The following SBDS variants were observed in gnomAD, a reference collection of about 807,000 sequenced individuals.
SBDS encodes ribosome maturation protein SBDS.
A neutral mutation model predicts 26.4 loss-of-function variants in SBDS; 20 were observed. That is an observed-to-expected ratio of 0.76 (90% CI 0.53 to 1.10). SBDS has a LOEUF of 1.10. Among genes scored for constraint, SBDS ranks in the 50% least tolerant of loss-of-function variants. The probability of loss-of-function intolerance (pLI) is 0.00; values close to 1 mark genes in which losing one functional copy is unlikely to be tolerated. For synonymous variants in SBDS, 95 were observed against 105.1 expected, an observed-to-expected ratio of 0.90 and a Z score of 0.59; for missense variants, 241 against 302.0, an observed-to-expected ratio of 0.80 and a Z score of 1.50.
chr7:66,993,648 C>T (rs1793022068), intron 2 of SBDS, among the ~76,000 whole-genome samples: 1 of 152,038 alleles, frequency 6.6e-6, no homozygotes. Context: ...CTAAGGCGGG[C>T]ATATCACCCA....
chr7:66,988,376 C>A lies in SBDS; in HGVS notation c.748G>T (p.Glu250Ter), dbSNP rs1476899918. Residue 250 changes from glutamate to a stop codon, truncating the protein, a stop_gained, in exon 5 of 5, where the codon GAA (glutamate) becomes TAA (stop). Coordinates refer to ENST00000246868, the MANE Select transcript of SBDS (RefSeq NM_016038.4). LOFTEE classifies it high-confidence loss of function. ...KDVEEGDEKF[E>*] ...GGTGAAGAGATTGATGGGTGTCATT[C>A]AAATTTCTCATCTCCTTCTTCTACA... 6.2e-7 allele frequency: 1 copy of A among 1,613,140 alleles called. No individual in the cohort carries two copies. The highest frequency in any genetic ancestry group is 8.5e-7 in the Non-Finnish European group (1 of 1,179,980).
chr7:66,995,551 G>A lies in SBDS; in HGVS notation c.-134C>T, dbSNP rs1242890449. On this transcript the variant is annotated 5_prime_UTR_variant, in exon 1 of 5. Coordinates refer to ENST00000246868, the MANE Select transcript of SBDS (RefSeq NM_016038.4). ...CCCAACCACCAGTGCGCGGCGCCGC[G>A]ACTCACTAGCTTCAGGCAGCCGTCA... The A allele has an allele frequency of 1.5e-6, 2 of 1,315,630 alleles. No homozygotes were observed. The highest frequency in any genetic ancestry group is 2.0e-5 in the Admixed American group (1 of 48,920). 81.5% of individuals were successfully genotyped at this position (1,315,630 alleles called of 1,614,324 possible). A position where few individuals can be genotyped will look rare whatever the true frequency, so the allele number is the denominator to read the frequency against.
At position 66,991,179 on chromosome 7, in the gene SBDS, G is replaced by C; in HGVS notation, c.582C>G (p.Ile194Met). ...CATAATCTTCACTTTCTATGACCTT[G>C]ATCAGTGGCTTGAGCTTTTCTTTCA... is the stretch of plus-strand genomic sequence containing the variant. ...KKLKEKLKPL[I>M]KVIESEDYGQ... The change falls in exon 4 of 5, where the codon ATC (isoleucine) becomes ATG (methionine). Residue 194 changes from isoleucine to methionine, a missense_variant. Physicochemically the swap from Ile to Met is conservative, Grantham distance 10 (BLOSUM62 1). Transcript: ENST00000246868. 3 of 1,614,058 alleles carry C rather than the reference G, an allele frequency of 1.9e-6. No homozygotes were observed. Among genetic ancestry groups the C allele is most frequent in the Non-Finnish European group, 2.5e-6 (3 of 1,179,984 alleles).
intron 4 of SBDS, 22 bp from the exon 5 acceptor site, chr7:66,988,521 A>T (rs375536732): frequency 5.0e-6 from 8 of 1,612,108 alleles, no homozygotes; most frequent in Non-Finnish European, 5.9e-6. Context: ...AACGTAGCAG[A>T]TTACCACATG....
In SBDS at chr7:66,995,578, A is replaced by G; in HGVS notation, c.-161T>C. On this transcript the variant is annotated 5_prime_UTR_variant, in exon 1 of 5. Transcript: ENST00000246868. ...CTCACTAGCTTCAGGCAGCCGTCACAGTGTGTCTGGCAGGCTTACTTACTG... is the reference window on the plus strand; with the variant it reads ...CTCACTAGCTTCAGGCAGCCGTCACGGTGTGTCTGGCAGGCTTACTTACTG... 1.9e-6 allele frequency: 2 copies of G among 1,040,060 alleles called. No homozygotes were observed. Among genetic ancestry groups the G allele is most frequent in the East Asian group, 2.6e-5 (1 of 38,626 alleles). 64.4% of individuals were successfully genotyped at this position (1,040,060 alleles called of 1,614,324 possible).
At position 66,988,449 on chromosome 7, in the gene SBDS, T is replaced by A. The variant is rs767419834; in HGVS notation, c.675A>T (p.Lys225Asn). 6.2e-7 allele frequency: 1 copy of A among 1,613,990 alleles called. No homozygotes were observed. Among genetic ancestry groups the A allele is most frequent in the Non-Finnish European group, 8.5e-7 (1 of 1,180,008 alleles). Residue 225 changes from lysine to asparagine, a missense_variant, in exon 5 of 5, where the codon AAA becomes AAT. Physicochemically the swap from Lys to Asn is moderately conservative, Grantham distance 94. Coordinates refer to ENST00000246868, the MANE Select transcript of SBDS (RefSeq NM_016038.4). Reference sequence around the variant, plus strand: ...AAGAACCTTTGCCTTTAGTTTCCTTTTTTATTAGCTCATCAATTTCTCGGA... The same window carrying A: ...AAGAACCTTTGCCTTTAGTTTCCTTATTTATTAGCTCATCAATTTCTCGGA... ...GCFREIDELI[K>N]KETKGKGSLE...
chr7:66,995,064 A>C, intron 1 of SBDS: 1 of 599,422 alleles, frequency 1.7e-6, no homozygotes, highest in Non-Finnish European at 2.9e-6. Flanking sequence ...CCAACAAAAC[A>C]AAACCCCAAA....
At chr7:66,994,980 C>T (rs1472078379) in intron 1 of SBDS, among the ~76,000 whole-genome samples, 6 of 152,204 alleles carry the variant, frequency 3.9e-5, no homozygotes, top group African/African-American at 1.4e-4. Flanking sequence ...ATTCGTAAGA[C>T]TAGGTTCTCA....
chr7:66,992,560 A>G (rs1445166265), intron 3 of SBDS, among the ~76,000 whole-genome samples: 1 of 152,130 alleles, frequency 6.6e-6, no homozygotes, highest in African/African-American at 2.4e-5. Context: ...TGATTTGGAT[A>G]GGAAGAAGAA....
chr7:66,994,033 A>C (rs986150705), intron 2 of SBDS, among the ~76,000 whole-genome samples, 179 bp downstream of exon 2: 13 of 150,980 alleles, frequency 8.6e-5, no homozygotes, highest in Non-Finnish European at 1.6e-4. Flanking sequence ...AAAAAAAAAA[A>C]AAAAACCACA....
intron 4 of SBDS, among the ~76,000 whole-genome samples, chr7:66,990,886 G>A (rs1452479098): frequency 8.6e-5 from 13 of 151,940 alleles, no homozygotes; most frequent in Non-Finnish European, 1.6e-4. Context: ...GCTTGGTGGC[G>A]GGTGCCTGTA....
intron 4 of SBDS, among the ~76,000 whole-genome samples, chr7:66,989,725 C>T (rs934552729): frequency 1.3e-5 from 2 of 152,124 alleles, no homozygotes; most frequent in Non-Finnish European, 2.9e-5. Flanking sequence ...CACTAATATC[C>T]TCTGGAAACA....
In SBDS at chr7:66,995,361, C is replaced by T. The variant is rs955974464; in HGVS notation, c.57G>A (p.Arg19=). 14 of 1,614,056 alleles carry T rather than the reference C, an allele frequency of 8.7e-6. No homozygotes were observed. The African/African-American group carries it at 1.7e-4, about 20-fold the overall frequency. Residue 19 remains arginine (R), a synonymous_variant, in exon 1 of 5, where the codon CGG becomes CGA. Coordinates refer to ENST00000246868, the MANE Select transcript of SBDS (RefSeq NM_016038.4). Reference sequence around the variant, plus strand: ...CGAAGCGCTTCCCGGCACGCTTCATCCGTACCACGGCCACATTGGTTAGGC... The same window carrying T: ...CGAAGCGCTTCCCGGCACGCTTCATTCGTACCACGGCCACATTGGTTAGGC... The part of the protein sequence containing the change: ...QIRLTNVAVV[R]MKRAGKRFEI...
Position 66,988,291 on chromosome 7 carries a change from T to G in SBDS, c.*80A>C. On this transcript the variant is annotated 3_prime_UTR_variant, in exon 5 of 5. Coordinates refer to ENST00000246868, the MANE Select transcript of SBDS (RefSeq NM_016038.4). ...AATGTCAAATAGTTTAAGCAAGTAT[T>G]TGGCAGACCACAGACATGAAACAGT... 2.0e-6 allele frequency: 3 copies of G among 1,479,476 alleles called. No homozygotes were observed. Among genetic ancestry groups the G allele is most frequent in the Non-Finnish European group, 2.8e-6 (3 of 1,067,614 alleles). The allele number at this position is 1,479,476 out of a possible 1,614,324, so 91.6% of individuals were successfully genotyped here. A position where few individuals can be genotyped will look rare whatever the true frequency, so the allele number is the denominator to read the frequency against.
At chr7:66,993,006 C>CAAA (rs71526589) in intron 3 of SBDS, among the ~76,000 whole-genome samples, 1 of 115,756 alleles carries the variant, frequency 8.6e-6, no homozygotes, top group Non-Finnish European at 1.8e-5. Flanking sequence ...GACTCTGTCT[C>CAAA]AAAAAAAAAA....
At chr7:66,991,709 G>A (rs752586297) in intron 3 of SBDS, among the ~76,000 whole-genome samples, 5 of 121,194 alleles carry the variant, frequency 4.1e-5, no homozygotes, top group Non-Finnish European at 6.4e-5. Flanking sequence ...TGAGGCAGGA[G>A]AATTGCTTGA....
Position 66,995,475 on chromosome 7 carries a change from C to A in SBDS, c.-58G>T. 1 of 1,610,444 alleles carries A rather than the reference C, an allele frequency of 6.2e-7. No homozygotes were observed. Among genetic ancestry groups the A allele is most frequent in the Non-Finnish European group, 8.5e-7 (1 of 1,178,490 alleles). On this transcript the variant is annotated 5_prime_UTR_variant, in exon 1 of 5. The change creates a new upstream start codon in the 5' untranslated region. Transcript: ENST00000246868. ...CCAGGGCTGACCCGCGCCGTCCAGCCTGAAGGCCACCAGCGCCTCGCGGTA... is the reference window on the plus strand; with the variant it reads ...CCAGGGCTGACCCGCGCCGTCCAGCATGAAGGCCACCAGCGCCTCGCGGTA...
chr7:66,992,204 TACA>T (rs1485671626), intron 3 of SBDS, among the ~76,000 whole-genome samples: 1 of 152,168 alleles, frequency 6.6e-6, no homozygotes, highest in Non-Finnish European at 1.5e-5. Context: ...TGATGCAGGT[TACA>T]ACATGTATGA....
chr7:66,990,144 C>T (rs1186837283), intron 4 of SBDS, among the ~76,000 whole-genome samples: 3 of 152,052 alleles, frequency 2.0e-5, no homozygotes, highest in African/African-American at 4.8e-5. Flanking sequence ...CTCAGCCTCC[C>T]GAGTAGCTGG....
Sources: gnomAD v4.1 joint callset for allele counts (sites outside exome capture counted in the v4.1 genomes callset) on GRCh38, gnomAD v4.1.1 for gene constraint, MANE v1.5 for transcripts, NCBI Gene and HGNC (gene_info 2026-07-23, HGNC 2026-07-21) for gene names.